Variants in SPMIP11 observed in about 807,000 individuals in gnomAD.
The protein encoded by SPMIP11 is long intergenic non-protein coding RNA 935.
the SPMIP11 span, among the ~76,000 whole-genome samples, chr12:48,752,431 T>C: frequency 6.6e-6 from 1 of 152,146 alleles, no homozygotes; most frequent in African/African-American, 2.4e-5. Context: ...TGACCAGAAC[T>C]CTCATGTCTA....
the SPMIP11 span, chr12:48,770,828 C>T: frequency 1.2e-5 from 19 of 1,614,190 alleles, no homozygotes; most frequent in South Asian, 7.7e-5. Context: ...CTCCATGAGC[C>T]GCATGGCGTA....
the SPMIP11 span, among the ~76,000 whole-genome samples, chr12:48,739,229 A>C: frequency 6.6e-6 from 1 of 152,176 alleles, no homozygotes; most frequent in Non-Finnish European, 1.5e-5. Context: ...AACAAAAAAA[A>C]GCTAACTAGA....
At chr12:48,734,138 T>A in the SPMIP11 span, among the ~76,000 whole-genome samples, 1 of 152,074 alleles carries the variant, frequency 6.6e-6, no homozygotes, top group Non-Finnish European at 1.5e-5. Flanking sequence ...AGGGTCTTGC[T>A]CTGTCACCCA....
At chr12:48,737,767 G>A in the SPMIP11 span, among the ~76,000 whole-genome samples, 1 of 151,708 alleles carries the variant, frequency 6.6e-6, no homozygotes, top group African/African-American at 2.4e-5. Flanking sequence ...CCATTTGTCA[G>A]CTATAAAGTC....
the SPMIP11 span, among the ~76,000 whole-genome samples, chr12:48,733,714 G>GAAT: frequency 6.6e-6 from 1 of 150,944 alleles, no homozygotes; most frequent in South Asian, 2.1e-4. Flanking sequence ...GGAATGTCTG[G>GAAT]AATGTATACC....
the SPMIP11 span, among the ~76,000 whole-genome samples, chr12:48,734,833 C>A: frequency 6.6e-6 from 1 of 151,894 alleles, no homozygotes; most frequent in East Asian, 1.9e-4. Context: ...GAAACCCTGT[C>A]TCTACTAAAA....
the SPMIP11 span, among the ~76,000 whole-genome samples, chr12:48,729,401 G>A: frequency 5.9e-5 from 9 of 152,130 alleles, no homozygotes; most frequent in African/African-American, 2.2e-4. Flanking sequence ...GGGCGTGGTG[G>A]TGTGTGCCTG....
the SPMIP11 span, among the ~76,000 whole-genome samples, chr12:48,728,501 G>A: frequency 6.6e-6 from 1 of 152,130 alleles, no homozygotes; most frequent in East Asian, 1.9e-4. Context: ...GAGGTCAGGA[G>A]ATCAAGACCA....
chr12:48,757,759 C>G, the SPMIP11 span, among the ~76,000 whole-genome samples: 1 of 150,398 alleles, frequency 6.6e-6, no homozygotes, highest in Non-Finnish European at 1.5e-5. Context: ...TTTGGGAGGC[C>G]GAGGCAGGAG....
At chr12:48,733,701 C>G in the SPMIP11 span, among the ~76,000 whole-genome samples, 3 of 145,700 alleles carry the variant, frequency 2.1e-5, no homozygotes, top group African/African-American at 7.6e-5. Flanking sequence ...CTCTGGGAGT[C>G]TTGGAATGTC....
the SPMIP11 span, among the ~76,000 whole-genome samples, chr12:48,729,140 G>A: frequency 1.2e-3 from 181 of 152,310 alleles, no homozygotes; most frequent in African/African-American, 4.1e-3. Flanking sequence ...TGCGGCTCAC[G>A]CCTGTAATCC....
the SPMIP11 span, chr12:48,771,010 C>T: frequency 6.9e-6 from 11 of 1,594,710 alleles, no homozygotes; most frequent in Non-Finnish European, 9.4e-6. This position sits in a 1 kb window ranked among gnomAD's most constrained non-coding sequence, Gnocchi z 4.3. Context: ...AGGCAAAGAC[C>T]CCAGACCCAG....
At chr12:48,733,772 T>TC in the SPMIP11 span, among the ~76,000 whole-genome samples, 1 of 140,466 alleles carries the variant, frequency 7.1e-6, no homozygotes, top group Admixed American at 7.3e-5. Context: ...TTCTTTTTTT[T>TC]TTTTTTTTTT....
the SPMIP11 span, chr12:48,769,176 G>A: frequency 1.3e-5 from 15 of 1,159,042 alleles, no homozygotes; most frequent in East Asian, 4.0e-4. Context: ...AAAAGGACAA[G>A]TCTCCTGGTT....
At chr12:48,738,313 T>C in the SPMIP11 span, among the ~76,000 whole-genome samples, 23 of 152,156 alleles carry the variant, frequency 1.5e-4, no homozygotes, top group Non-Finnish European at 3.4e-4. Context: ...ATCTCGATAA[T>C]TCTGGCTCAG....
chr12:48,752,765 G>A, the SPMIP11 span, among the ~76,000 whole-genome samples: 87 of 149,924 alleles, frequency 5.8e-4, no homozygotes, highest in African/African-American at 2.0e-3. Context: ...TCCGCCTCCC[G>A]GGTTCAAGCG....
At chr12:48,765,987 C>T in the SPMIP11 span, among the ~76,000 whole-genome samples, 1 of 152,170 alleles carries the variant, frequency 6.6e-6, no homozygotes, top group African/African-American at 2.4e-5. Context: ...TGGGAAGGCA[C>T]ACACTGGAGC....
chr12:48,740,164 A>C, the SPMIP11 span, among the ~76,000 whole-genome samples: 1 of 152,162 alleles, frequency 6.6e-6, no homozygotes, highest in Non-Finnish European at 1.5e-5. Flanking sequence ...ATTTTAAAAA[A>C]CTTTTCTTGC....
At chr12:48,765,784 A>T in the SPMIP11 span, 1 of 656,798 alleles carries the variant, frequency 1.5e-6, no homozygotes, top group Non-Finnish European at 2.8e-6. Flanking sequence ...AACAGACTGG[A>T]CTAAAAGTTG....
Sources: gnomAD v4.1 joint callset for allele counts (sites outside exome capture counted in the v4.1 genomes callset) on GRCh38, gnomAD v4.1.1 for gene constraint, Gnocchi (gnomAD v3.1) non-coding constraint, MANE v1.5 for transcripts, NCBI Gene and HGNC (gene_info 2026-07-23, HGNC 2026-07-21) for gene names.